Variants in SETD9 observed in about 807,000 individuals in gnomAD.
SETD9 encodes the protein SET domain containing 9, also known as SET domain-containing protein 9.
Under a neutral mutation model 36.4 loss-of-function variants are expected in SETD9, and 37 were observed. The ratio of observed to expected loss-of-function variants is 1.02; its 90% CI spans 0.78 to 1.34. SETD9 has a LOEUF of 1.34. SETD9 is among the 40% of genes most tolerant of loss of function. SETD9 has a pLI of 0.00. For synonymous variants in SETD9, 128 were observed against 132.9 expected (o/e 0.96, Z 0.26); for missense variants, 323 against 353.2 (o/e 0.91, Z 0.69).
At chr5:56,917,950 C>T (rs1429933575), downstream of SETD9, among the ~76,000 whole-genome samples, 1 of 152,226 alleles carries the variant, frequency 6.6e-6, no homozygotes, top group Non-Finnish European at 1.5e-5. Flanking sequence ...ATTACCTTCA[C>T]TTCCTTACCA....
intron 5 of SETD9, 63 bp downstream of exon 5, chr5:56,915,029 G>C: frequency 3.0e-5 from 36 of 1,199,118 alleles, no homozygotes; most frequent in South Asian, 4.0e-5. Flanking sequence ...AAATATAGAA[G>C]AAAAAGCTAT....
rs1485363905 is a variant in SETD9, at chr5:56,911,153, C to G, written c.99-16C>G. 1 of 1,520,600 alleles carries G rather than the reference C, an allele frequency of 6.6e-7. No individual in the cohort carries two copies. Among genetic ancestry groups the G allele is most frequent in the African/African-American group, 1.4e-5 (1 of 71,690 alleles). 94.2% of individuals were successfully genotyped at this position (1,520,600 alleles called of 1,614,324 possible). A position where few individuals can be genotyped will look rare whatever the true frequency, so the allele number is the denominator to read the frequency against. ...TCAGTTGAAGGGTAGTGAATAGAAA[C>G]TTTTCCCATTTTCAGGACCCTCCGA... is the stretch of plus-strand genomic sequence containing the variant. On this transcript the variant is annotated splice_polypyrimidine_tract_variant and intron_variant, in intron 1 of 5. Coordinates refer to ENST00000285947, the MANE Select transcript of SETD9 (RefSeq NM_153706.4).
downstream of SETD9, chr5:56,922,015 C>T (rs189453263): frequency 2.4e-4 from 37 of 152,722 alleles, no homozygotes; most frequent in East Asian, 1.5e-3. Context: ...ATGTACCATT[C>T]TATTTCAGAT....
chr5:56,928,457 G>A (rs1353789864), downstream of SETD9: 1 of 182,706 alleles, frequency 5.5e-6, no homozygotes. Context: ...TTATTTTGAG[G>A]CCACAAACCT....
intron 5 of SETD9, chr5:56,923,575 G>C (rs762510746): frequency 1.2e-5 from 19 of 1,612,804 alleles, no homozygotes; most frequent in Non-Finnish European, 1.6e-5. Flanking sequence ...TTGCTACACT[G>C]TTGGTCAAAG....
upstream of SETD9, chr5:56,909,581 G>A: frequency 3.7e-6 from 5 of 1,369,364 alleles, no homozygotes; most frequent in Non-Finnish European, 4.0e-6. Context: ...TCCCGGGCCG[G>A]GGCGGGCCCG....
At position 56,913,972 on chromosome 5, in the gene SETD9, T is replaced by G. The variant is rs1749295363; in HGVS notation, c.689T>G (p.Val230Gly). 1 of 1,612,550 alleles carries G rather than the reference T, an allele frequency of 6.2e-7. No individual in the cohort carries two copies. The highest frequency in any genetic ancestry group is 1.3e-5 in the African/African-American group (1 of 74,886). ...IHNPLAVGQY[V>G]NNCSNDRAAN... ...AACCCTCTGGCTGTGGGACAGTATG[T>G]CAACAATTGTTCCAATGGTAAGAAG... The change falls in exon 4 of 6, where the codon GTC becomes GGC. Residue 230 changes from valine (V) to glycine (G), a missense_variant. Val to Gly is a moderately radical substitution (Grantham distance 109). Transcript: ENST00000285947.
chr5:56,915,473 T>A (rs1037966975), intron 5 of SETD9, among the ~76,000 whole-genome samples: 1 of 152,220 alleles, frequency 6.6e-6, no homozygotes, highest in African/African-American at 2.4e-5. Context: ...CAGTGGAAAG[T>A]CTACTGAGAA....
intron 5 of SETD9, chr5:56,923,482 A>G (rs1749782890): frequency 6.2e-7 from 1 of 1,614,208 alleles, no homozygotes; most frequent in Non-Finnish European, 8.5e-7. Context: ...CAACAGGCAC[A>G]TGATTAACTT....
intron 1 of SETD9, 62 bp from the exon 2 acceptor site, chr5:56,911,107 T>G: frequency 6.7e-7 from 1 of 1,491,708 alleles, no homozygotes. Flanking sequence ...CCAGAAGTTA[T>G]GCAGGTAAGT....
chr5:56,918,805 CACTGCATCTTAA>C (rs1486579802), downstream of SETD9, among the ~76,000 whole-genome samples: 1 of 152,144 alleles, frequency 6.6e-6, no homozygotes. Context: ...GCAAGCTGAT[CACTGCATCTTAA>C]AAATGGAACT....
chr5:56,915,076 A>G, intron 5 of SETD9, 110 bp downstream of exon 5: 1 of 626,326 alleles, frequency 1.6e-6, no homozygotes, highest in Non-Finnish European at 2.5e-6. Flanking sequence ...TTAGTGAAAA[A>G]TTATAACTCA....
At chr5:56,919,735 C>T (rs1475405870), downstream of SETD9, 1 of 152,610 alleles carries the variant, frequency 6.6e-6, no homozygotes, top group Non-Finnish European at 1.5e-5. Context: ...TCCTCTTGAA[C>T]ATCTGATACT....
rs759432220 is a variant in SETD9 at position 56,923,656 on chromosome 5, A to T, written c.813-1677A>T. Reference sequence around the variant, plus strand: ...CAAACAGAGGACACAATTTTGCAACAAACTGTACTAAATGCAGAAAGGTCT... The same window carrying T: ...CAAACAGAGGACACAATTTTGCAACTAACTGTACTAAATGCAGAAAGGTCT... On this transcript the variant is annotated intron_variant, in intron 5 of 5. Transcript: ENST00000628593. 1.9e-6 allele frequency: 3 copies of T among 1,613,938 alleles called. No homozygotes were observed. In the African/African-American group the frequency reaches 4.0e-5, roughly 22 times the overall value.
intron 1 of SETD9, 84 bp downstream of exon 1, chr5:56,909,827 C>G: frequency 8.2e-7 from 1 of 1,225,836 alleles, no homozygotes; most frequent in Non-Finnish European, 1.1e-6. Flanking sequence ...AAGCGGAGAG[C>G]CTGAGGCTGA....
chr5:56,909,668 GCCTGT>G lies in SETD9; in HGVS notation c.24_28del (p.Leu9AlafsTer40). On this transcript the variant is annotated frameshift_variant, in exon 1 of 6. Coordinates refer to ENST00000285947, the MANE Select transcript of SETD9 (RefSeq NM_153706.4). LOFTEE classifies it high-confidence loss of function. ...GCCATGCCTGGCCGTCTGCTGCGGG[GCCTGT>G]GGCAGCGATGGCGCCGTTACAAGTA... The G allele has an allele frequency of 6.2e-7, 1 of 1,609,240 alleles. No homozygotes were observed. The highest frequency in any genetic ancestry group is 1.1e-5 in the South Asian group (1 of 90,594).
At chr5:56,922,000 T>A (rs1313626850), downstream of SETD9, 1 of 152,652 alleles carries the variant, frequency 6.6e-6, no homozygotes, top group East Asian at 1.9e-4. Flanking sequence ...AACTTAAAAG[T>A]GGTAATGTAC....
At chr5:56,922,285 G>A (rs1749707424), downstream of SETD9, 1 of 152,462 alleles carries the variant, frequency 6.6e-6, no homozygotes, top group African/African-American at 2.4e-5. Flanking sequence ...TGATTTTTAA[G>A]ATTACAATCT....
At chr5:56,918,114 T>TATC (rs35420907), downstream of SETD9, among the ~76,000 whole-genome samples, 11,901 of 152,166 alleles carry the variant, frequency 0.078, 493 homozygotes, top group East Asian at 0.14. Flanking sequence ...ACCCTCTCCC[T>TATC]ATCATGGAGT....
Sources: gnomAD v4.1 joint callset for allele counts (sites outside exome capture counted in the v4.1 genomes callset) on GRCh38, gnomAD v4.1.1 for gene constraint, MANE v1.5 for transcripts, NCBI Gene and HGNC (gene_info 2026-07-23, HGNC 2026-07-21) for gene names.